FOXP1: variants seen among roughly 807,000 people sequenced by gnomAD.
The protein encoded by FOXP1 is forkhead box protein P1.
FOXP1 carries 15 observed loss-of-function variants against 98.2 expected under a neutral mutation model. The observed-to-expected ratio is 0.15, with a 90% CI of 0.10 to 0.24. The LOEUF (loss-of-function observed/expected upper bound fraction) is 0.24. FOXP1 is among the 10% of genes least tolerant of loss of function. The pLI, the probability that FOXP1 is intolerant of heterozygous loss-of-function variation, is 1.00. For missense variants in FOXP1, 633 were observed against 848.5 expected, an observed-to-expected ratio of 0.75 and a Z score of 3.15; for synonymous variants, 371 against 314.5, an observed-to-expected ratio of 1.18 and a Z score of -1.90.
At chr3:71,474,674 T>A (rs1479830283) in intron 3 of FOXP1, among the ~76,000 whole-genome samples, 1 of 151,916 alleles carries the variant, frequency 6.6e-6, no homozygotes, top group Non-Finnish European at 1.5e-5. Context: ...CTTATGAGAA[T>A]CTAATGCCTG....
intron 3 of FOXP1, among the ~76,000 whole-genome samples, chr3:71,395,100 C>CAAAA (rs10543398): frequency 3.3e-4 from 21 of 63,766 alleles, no homozygotes; most frequent in African/African-American, 3.8e-4. Context: ...AACCCCGTCA[C>CAAAA]AAAAAAAAAA....
rs1522176 is a variant in FOXP1 at position 71,168,979 on chromosome 3, G to A, written c.180+29223C>T. 5.1e-3 allele frequency among the ~76,000 whole-genome samples: 777 copies of A among 152,252 alleles called. 3 individuals carry two copies. The highest frequency in any genetic ancestry group is 0.017 in the African/African-American group (690 of 41,556). On this transcript the variant is annotated intron_variant, in intron 6 of 20. Transcript: ENST00000649528. ...AGAGTTTCTCAGTGCTGCTGAGCCC[G>A]CATGGGAGGAGAGCGTAAAACTCAC...
rs747142970 is a variant in FOXP1 at position 71,198,425 on chromosome 3, A to AG, written c.-11-34dup. 58 of 530,184 alleles carry AG rather than the reference A, an allele frequency of 1.1e-4. 1 individual carries two copies. Among genetic ancestry groups the AG allele is most frequent in the Admixed American group, 3.0e-4 (14 of 47,398 alleles). The allele number at this position is 530,184 out of a possible 1,614,324, so 32.8% of individuals were successfully genotyped here. A position where few individuals can be genotyped will look rare whatever the true frequency, so the allele number is the denominator to read the frequency against. The stretch of plus-strand genomic sequence containing the variant: ...AAGGATTTCCAAGATGGGGGGAGGG[A>AG]GGGGGGGAGAAAAAAAAAGCAGCTG... On this transcript the variant is annotated intron_variant, in intron 5 of 20. Transcript: ENST00000649528.
chr3:71,380,530 A>G (rs1247092358), intron 3 of FOXP1, among the ~76,000 whole-genome samples: 1 of 152,230 alleles, frequency 6.6e-6, no homozygotes, highest in Non-Finnish European at 1.5e-5. Flanking sequence ...TTTCACTCTG[A>G]TGGAAATGTT....
At chr3:70,989,330 T>C (rs1310766331) in intron 13 of FOXP1, among the ~76,000 whole-genome samples, 3 of 151,842 alleles carry the variant, frequency 2.0e-5, no homozygotes, top group Admixed American at 6.6e-5. Context: ...TCCCTTGTGG[T>C]TCAGGGAGGA....
At chr3:71,269,774 TA>T (rs1349651360) in intron 5 of FOXP1, among the ~76,000 whole-genome samples, 1 of 152,250 alleles carries the variant, frequency 6.6e-6, no homozygotes, top group African/African-American at 2.4e-5. Flanking sequence ...CCTTCATGTG[TA>T]CTTTTATAGA....
intron 3 of FOXP1, among the ~76,000 whole-genome samples, chr3:71,488,300 T>C (rs1314832814): frequency 2.6e-5 from 4 of 152,248 alleles, no homozygotes; most frequent in African/African-American, 9.6e-5. Context: ...GGTTTATTTT[T>C]TAATTGACAA....
At chr3:70,968,594 A>C (rs915241252) in intron 19 of FOXP1, 18 of 152,120 alleles carry the variant, frequency 1.2e-4, no homozygotes, top group African/African-American at 4.3e-4. Flanking sequence ...TATAAATACG[A>C]AGCTTTACGG....
intron 2 of FOXP1, among the ~76,000 whole-genome samples, chr3:71,512,976 C>G (rs17008701): frequency 0.062 from 9,403 of 152,254 alleles, 395 homozygotes; most frequent in Non-Finnish European, 0.084. Flanking sequence ...GGCAAACACA[C>G]AGAAGGATCC....
intron 3 of FOXP1, among the ~76,000 whole-genome samples, chr3:71,380,465 T>G (rs1012365760): frequency 1.3e-5 from 2 of 152,228 alleles, no homozygotes; most frequent in Non-Finnish European, 2.9e-5. Context: ...CAGAAAATAT[T>G]GCTTGGCAGG....
chr3:71,269,009 T>C (rs945067847), intron 5 of FOXP1, among the ~76,000 whole-genome samples: 11 of 151,968 alleles, frequency 7.2e-5, no homozygotes, highest in African/African-American at 1.5e-4. Context: ...TAAATGAACG[T>C]AGACAGATAG....
At chr3:71,312,654 A>G (rs2074774781) in intron 4 of FOXP1, among the ~76,000 whole-genome samples, 2 of 152,236 alleles carry the variant, frequency 1.3e-5, no homozygotes, top group Non-Finnish European at 2.9e-5. Flanking sequence ...GTGCTGCCGC[A>G]CAATAGCCTG....
At chr3:71,550,488 A>G (rs899493094) in intron 2 of FOXP1, among the ~76,000 whole-genome samples, 1 of 152,246 alleles carries the variant, frequency 6.6e-6, no homozygotes, top group African/African-American at 2.4e-5. Context: ...TCATACTGCC[A>G]CAGAAGTTTT....
intron 3 of FOXP1, among the ~76,000 whole-genome samples, chr3:71,434,307 T>C (rs1042834973): frequency 6.0e-5 from 9 of 150,582 alleles, no homozygotes; most frequent in Middle Eastern, 3.2e-3. Context: ...GCAGTCAGGA[T>C]GACAGCTTCA....
At chr3:71,173,906 T>A (rs2108233256) in intron 6 of FOXP1, among the ~76,000 whole-genome samples, 1 of 152,326 alleles carries the variant, frequency 6.6e-6, no homozygotes, top group South Asian at 2.1e-4. Flanking sequence ...GTTTTTGTTG[T>A]AATTGTTGTT....
intron 3 of FOXP1, among the ~76,000 whole-genome samples, chr3:71,461,226 C>G (rs966723853): frequency 2.6e-5 from 4 of 152,168 alleles, no homozygotes; most frequent in Non-Finnish European, 1.5e-5. Flanking sequence ...GTGAGTCACA[C>G]AGAACTCTCC....
At chr3:71,253,007 T>G (rs2068330861) in intron 5 of FOXP1, among the ~76,000 whole-genome samples, 1 of 152,182 alleles carries the variant, frequency 6.6e-6, no homozygotes, top group South Asian at 2.1e-4. Context: ...GCATCCACAA[T>G]GCAGCTGACA....
chr3:71,371,730 G>C (rs755716354), intron 3 of FOXP1, among the ~76,000 whole-genome samples: 1 of 152,102 alleles, frequency 6.6e-6, no homozygotes, highest in African/African-American at 2.4e-5. Flanking sequence ...TTGAGGCTGC[G>C]GGGAGCTACA....
chr3:71,027,771 T>G (rs550435489), intron 11 of FOXP1, among the ~76,000 whole-genome samples: 1 of 152,184 alleles, frequency 6.6e-6, no homozygotes, highest in Admixed American at 6.5e-5. Flanking sequence ...GCCACCAATT[T>G]TTATAACATA....
Sources: allele counts gnomAD v4.1 joint callset (sites outside exome capture counted in the v4.1 genomes callset), GRCh38; gene constraint gnomAD v4.1.1; transcripts MANE v1.5; gene names NCBI Gene and HGNC (gene_info 2026-07-23, HGNC 2026-07-21).